SLC4A8: variants seen among roughly 807,000 people sequenced by gnomAD.
The protein encoded by SLC4A8 is electroneutral sodium bicarbonate exchanger 1.
A neutral mutation model predicts 125.0 loss-of-function variants in SLC4A8; 40 were observed. The observed-to-expected ratio is 0.32, with a 90% confidence interval of 0.25 to 0.42. SLC4A8 has a LOEUF of 0.42. SLC4A8 is among the 10% of genes least tolerant of loss of function. SLC4A8 has a pLI of 1.00. For synonymous variants in SLC4A8, 456 were observed against 476.0 expected, an observed-to-expected ratio of 0.96 and a Z score of 0.55; for missense variants, 863 against 1,355.1, an observed-to-expected ratio of 0.64 and a Z score of 5.70.
At chr12:51,451,832 T>C (rs1013450155) in intron 3 of SLC4A8, among the ~76,000 whole-genome samples, 1 of 151,398 alleles carries the variant, frequency 6.6e-6, no homozygotes, top group African/African-American at 2.4e-5. Flanking sequence ...CCCCCTAAAA[T>C]CAATACTATA....
upstream of SLC4A8, among the ~76,000 whole-genome samples, chr12:51,419,938 G>A (rs542656403): frequency 4.6e-5 from 7 of 152,320 alleles, no homozygotes; most frequent in African/African-American, 1.4e-4. Flanking sequence ...ACTCTTCCCT[G>A]GGATGTGTAG....
chr12:51,475,130 G>T lies in SLC4A8; in HGVS notation c.2096G>T (p.Cys699Phe). The change falls in exon 16 of 25, where the codon TGT (cysteine) becomes TTT (phenylalanine). Residue 699 changes from cysteine to phenylalanine, a missense_variant. By Grantham distance (205) the Cys-to-Phe change is radical. Transcript: ENST00000453097. ...ACTCCTGATGTCCTCTTTTGGTCCTGTATTCTCTTTTTCACCACCTTCATC... is the reference window on the plus strand; with the variant it reads ...ACTCCTGATGTCCTCTTTTGGTCCTTTATTCTCTTTTTCACCACCTTCATC... ...PYTPDVLFWS[C>F]ILFFTTFILS... 1 of 1,614,120 alleles carries T rather than the reference G, an allele frequency of 6.2e-7. No individual in the cohort carries two copies. Among genetic ancestry groups the T allele is most frequent in the Non-Finnish European group, 8.5e-7 (1 of 1,179,954 alleles).
chr12:51,396,408 T>A lies in SLC4A8; in HGVS notation c.-112+4920T>A, dbSNP rs182425896. Among the ~76,000 whole-genome samples, 3 of 152,246 alleles carry A rather than the reference T, an allele frequency of 2.0e-5. No homozygotes were observed. In the East Asian group the frequency reaches 5.8e-4, roughly 29 times the overall value. ...AGGGCTAGGACTAGGGTAAGGCAAGTGAGGGCACTTCTCTTGAGTGCAAAA... is the reference window on the plus strand; with the variant it reads ...AGGGCTAGGACTAGGGTAAGGCAAGAGAGGGCACTTCTCTTGAGTGCAAAA... On this transcript the variant is annotated intron_variant, in intron 1 of 24. Transcript: ENST00000358657.
Position 51,488,841 on chromosome 12 carries a change from G to A in SLC4A8, c.2429G>A (p.Arg810Lys). ...CAGATCACAGCCGTCATTATTAACAGGAAGGAACATAAGCTCAAGGTAAAA... is the reference window on the plus strand; with the variant it reads ...CAGATCACAGCCGTCATTATTAACAAGAAGGAACATAAGCTCAAGGTAAAA... Reference protein sequence around the residue: ...DQQITAVIINRKEHKLKKGCG... With the variant: ...DQQITAVIINKKEHKLKKGCG... Residue 810 changes from arginine to lysine, a missense_variant, in exon 18 of 25, where the codon AGG becomes AAG. Around this residue, in one of 6 missense-constraint regions of SLC4A8, gnomAD observed 197 missense variants for 377.7 expected, o/e 0.52. Transcript: ENST00000453097. 1 of 1,613,516 alleles carries A rather than the reference G, an allele frequency of 6.2e-7. No homozygotes were observed. The highest frequency in any genetic ancestry group is 8.5e-7 in the Non-Finnish European group (1 of 1,179,706).
chr12:51,476,906 C>CTTTTTT (rs67928969), intron 16 of SLC4A8, among the ~76,000 whole-genome samples: 16 of 118,534 alleles, frequency 1.3e-4, no homozygotes, highest in South Asian at 2.7e-4. Flanking sequence ...TTTTTCTTTT[C>CTTTTTT]TTTTTTTTTT....
chr12:51,502,607 A>ACATCATGCAT (rs1189388836), intron 22 of SLC4A8, among the ~76,000 whole-genome samples: 1 of 150,642 alleles, frequency 6.6e-6, no homozygotes, highest in Non-Finnish European at 1.5e-5. Context: ...AAACTGGTCA[A>ACATCATGCAT]CATCATGCAT....
chr12:51,486,969 C>G (rs1309170286), intron 17 of SLC4A8, among the ~76,000 whole-genome samples: 1 of 152,182 alleles, frequency 6.6e-6, no homozygotes, highest in African/African-American at 2.4e-5. Flanking sequence ...AGCTTTCTCT[C>G]TAATACCTAG....
chr12:51,477,598 T>C (rs1950892538), intron 16 of SLC4A8, among the ~76,000 whole-genome samples: 1 of 152,208 alleles, frequency 6.6e-6, no homozygotes, highest in Non-Finnish European at 1.5e-5. Context: ...AAAAGTATAA[T>C]GTTTATTTTT....
intron 3 of SLC4A8, among the ~76,000 whole-genome samples, chr12:51,451,384 C>T (rs1246739905): frequency 6.6e-6 from 1 of 152,162 alleles, no homozygotes; most frequent in Non-Finnish European, 1.5e-5. Flanking sequence ...ACTGGGATTG[C>T]AGGCGTGAGC....
At chr12:51,409,173 C>T (rs944914989) in intron 1 of SLC4A8, among the ~76,000 whole-genome samples, 2 of 152,056 alleles carry the variant, frequency 1.3e-5, no homozygotes, top group African/African-American at 4.8e-5. Flanking sequence ...TACAGGTACA[C>T]ACCACTACAC....
chr12:51,485,713 C>G (rs1032357866), intron 16 of SLC4A8, 74 bp from the exon 17 acceptor site: 3 of 733,460 alleles, frequency 4.1e-6, no homozygotes, highest in Non-Finnish European at 4.7e-6. Context: ...GATTTTTAAG[C>G]CTTTTACAAT....
intron 1 of SLC4A8, among the ~76,000 whole-genome samples, chr12:51,410,712 G>A (rs917892251): frequency 9.9e-5 from 15 of 151,872 alleles, no homozygotes; most frequent in African/African-American, 3.6e-4. Context: ...CACCTGCCTC[G>A]GCCTCCCAAA....
At chr12:51,476,429 T>C (rs1046644739) in intron 16 of SLC4A8, among the ~76,000 whole-genome samples, 2 of 151,932 alleles carry the variant, frequency 1.3e-5, no homozygotes, top group Non-Finnish European at 2.9e-5. Context: ...TGTAGTGAGC[T>C]GTGATTGCAC....
At chr12:51,441,388 G>A (rs969340049) in intron 2 of SLC4A8, among the ~76,000 whole-genome samples, 2 of 152,130 alleles carry the variant, frequency 1.3e-5, no homozygotes, top group African/African-American at 2.4e-5. Context: ...GACCCACTCT[G>A]TCCAGTTTAC....
At chr12:51,408,914 T>C (rs1278660770) in intron 1 of SLC4A8, among the ~76,000 whole-genome samples, 5 of 152,192 alleles carry the variant, frequency 3.3e-5, no homozygotes, top group African/African-American at 2.4e-5. Context: ...GTTTTTGTTT[T>C]TCAGAGTTAT....
chr12:51,489,190 A>C (rs1341237063), intron 18 of SLC4A8, among the ~76,000 whole-genome samples: 1 of 152,202 alleles, frequency 6.6e-6, no homozygotes, highest in Non-Finnish European at 1.5e-5. Flanking sequence ...GGCCTGGGCC[A>C]CTGTTTCCTA....
At chr12:51,460,397 T>TA (rs1001083255) in intron 8 of SLC4A8, among the ~76,000 whole-genome samples, 2 of 89,284 alleles carry the variant, frequency 2.2e-5, no homozygotes, top group African/African-American at 4.1e-5. Context: ...CTGTCTTTTT[T>TA]AAAAAAAAAA....
At chr12:51,468,850 A>T (rs1318489616) in intron 11 of SLC4A8, among the ~76,000 whole-genome samples, 1 of 152,104 alleles carries the variant, frequency 6.6e-6, no homozygotes, top group African/African-American at 2.4e-5. Context: ...TTCACCCTTC[A>T]CACTGTATTA....
Position 51,405,281 on chromosome 12 carries a change from T to TGG in SLC4A8, c.-112+13794_-112+13795insGG, listed in dbSNP as rs375644478. On this transcript the variant is annotated intron_variant, in intron 1 of 24. Transcript: ENST00000358657. ...GAAGCCTTCCCCCTGGGAGAGAAGG[T>TGG]GATCCCAAGAATAGAGAGGCAAGAG... is the stretch of plus-strand genomic sequence containing the variant. 3.9e-3 allele frequency among the ~76,000 whole-genome samples: 596 copies of TGG among 152,274 alleles called. 1 individual carries two copies. The highest frequency in any genetic ancestry group is 5.8e-3 in the Non-Finnish European group (395 of 68,020).
Sources: gnomAD v4.1 joint callset for allele counts (sites outside exome capture counted in the v4.1 genomes callset) on GRCh38, gnomAD v4.1.1 for gene constraint, gnomAD v4.1.1 regional missense constraint, MANE v1.5 for transcripts, NCBI Gene and HGNC (gene_info 2026-07-23, HGNC 2026-07-21) for gene names.